NLGN1: variants seen among roughly 807,000 people sequenced by gnomAD.
The protein encoded by NLGN1 is neuroligin-1.
NLGN1 carries 12 observed loss-of-function variants against 65.5 expected under a neutral mutation model. The observed-to-expected ratio is 0.18, with a 90% CI of 0.12 to 0.30. The LOEUF is 0.30. Ranked by LOEUF, NLGN1 falls within the 10% of genes least tolerant of loss-of-function variation. The pLI is 1.00. For synonymous variants in NLGN1, 350 were observed against 359.5 expected (o/e 0.97, Z 0.30); for missense variants, 750 against 1,007.1 (o/e 0.74, Z 3.46).
chr3:173,895,194 C>T (rs543086923), intron 4 of NLGN1, among the ~76,000 whole-genome samples: 1 of 152,154 alleles, frequency 6.6e-6, no homozygotes, highest in Non-Finnish European at 1.5e-5. Context: ...CCTCTTTCCT[C>T]TTGCATCTCT....
intron 1 of NLGN1, chr3:173,399,487 A>G (rs1390809352): frequency 3.3e-5 from 5 of 152,168 alleles, no homozygotes; most frequent in Admixed American, 6.5e-5. Context: ...TAGTAATAAC[A>G]TATTTTCAAA....
intron 4 of NLGN1, among the ~76,000 whole-genome samples, chr3:173,932,448 C>A (rs1318505196): frequency 1.3e-5 from 2 of 148,246 alleles, no homozygotes; most frequent in Admixed American, 6.8e-5. Flanking sequence ...AAGCAGAAAA[C>A]AAACCAGTAC....
At chr3:173,739,491 T>A (rs933411159) in intron 3 of NLGN1, among the ~76,000 whole-genome samples, 2 of 152,018 alleles carry the variant, frequency 1.3e-5, no homozygotes, top group African/African-American at 4.8e-5. Context: ...ACGGAAGGGG[T>A]TTGCTTATAT....
At chr3:174,211,309 T>C (rs904871721) in intron 4 of NLGN1, among the ~76,000 whole-genome samples, 1 of 152,134 alleles carries the variant, frequency 6.6e-6, no homozygotes, top group Non-Finnish European at 1.5e-5. Context: ...TAGAGCCGAG[T>C]GGCCTGTTTT....
chr3:174,030,375 C>T (rs183083764), intron 4 of NLGN1, among the ~76,000 whole-genome samples: 69 of 152,220 alleles, frequency 4.5e-4, no homozygotes, highest in African/African-American at 1.4e-3. Context: ...CCTCCCGCCT[C>T]GGCCTCCCAA....
intron 3 of NLGN1, among the ~76,000 whole-genome samples, chr3:173,686,423 C>T (rs576571922): frequency 1.3e-5 from 2 of 151,980 alleles, no homozygotes; most frequent in Non-Finnish European, 2.9e-5. Flanking sequence ...ATTAGAATTA[C>T]TGTATCAAAG....
At chr3:173,482,877 C>T (rs761396451) in intron 2 of NLGN1, among the ~76,000 whole-genome samples, 69 of 151,946 alleles carry the variant, frequency 4.5e-4, no homozygotes, top group Non-Finnish European at 1.6e-4. Context: ...TCTTAGGCTT[C>T]CCAGAATTAG....
At chr3:173,505,559 C>G (rs946445797) in intron 2 of NLGN1, among the ~76,000 whole-genome samples, 1 of 152,056 alleles carries the variant, frequency 6.6e-6, no homozygotes, top group Non-Finnish European at 1.5e-5. Flanking sequence ...TTCAGTATAT[C>G]AAGCTCCTTG....
chr3:173,787,299 A>G, intron 3 of NLGN1, among the ~76,000 whole-genome samples: 1 of 152,302 alleles, frequency 6.6e-6, no homozygotes, highest in Middle Eastern at 3.4e-3. Flanking sequence ...CTATCTTTCT[A>G]TACTAAAATA....
chr3:174,224,665 C>T (rs1309580096), intron 4 of NLGN1, among the ~76,000 whole-genome samples: 2 of 152,094 alleles, frequency 1.3e-5, no homozygotes, highest in African/African-American at 2.4e-5. Flanking sequence ...TGCCATTGCA[C>T]GCCAGCCTGG....
chr3:173,526,801 A>G (rs1057511795), intron 2 of NLGN1, among the ~76,000 whole-genome samples: 16 of 152,132 alleles, frequency 1.1e-4, no homozygotes, highest in African/African-American at 3.9e-4. Flanking sequence ...CATGAGTTCA[A>G]TTATTTTAAT....
intron 3 of NLGN1, among the ~76,000 whole-genome samples, chr3:173,757,861 T>C (rs1408983620): frequency 1.3e-5 from 2 of 152,028 alleles, no homozygotes; most frequent in Non-Finnish European, 2.9e-5. Context: ...CGTTTTAAAA[T>C]ACATTATTTC....
chr3:173,420,095 C>CT (rs1714734615), intron 1 of NLGN1, among the ~76,000 whole-genome samples: 1 of 144,872 alleles, frequency 6.9e-6, no homozygotes, highest in Non-Finnish European at 1.5e-5. Flanking sequence ...TATTATTATA[C>CT]TTTAAGTTTT....
At chr3:173,695,455 T>G (rs2149843878) in intron 3 of NLGN1, 1 of 221,584 alleles carries the variant, frequency 4.5e-6, no homozygotes, top group South Asian at 6.3e-5. Flanking sequence ...ATGTTCATAC[T>G]TAGGATTTTT....
chr3:173,777,709 G>A (rs7624589), intron 3 of NLGN1, among the ~76,000 whole-genome samples: 96,356 of 151,326 alleles, frequency 0.64, 32,235 homozygotes, highest in Non-Finnish European at 0.75. Flanking sequence ...TTCATCCCTT[G>A]GTGGTCACTT....
intron 4 of NLGN1, among the ~76,000 whole-genome samples, chr3:174,094,986 A>G (rs562935808): frequency 1.3e-5 from 2 of 152,182 alleles, no homozygotes; most frequent in East Asian, 3.9e-4. Context: ...GCCAAAGAGA[A>G]TGCACTGTAT....
intron 4 of NLGN1, among the ~76,000 whole-genome samples, chr3:174,234,274 T>C (rs1309052848): frequency 6.6e-6 from 1 of 152,116 alleles, no homozygotes; most frequent in East Asian, 1.9e-4. Flanking sequence ...AGAGATCAAG[T>C]GCACTGTTTG....
intron 3 of NLGN1, among the ~76,000 whole-genome samples, chr3:173,751,639 T>C (rs1776308912): frequency 6.6e-6 from 1 of 152,038 alleles, no homozygotes; most frequent in Non-Finnish European, 1.5e-5. Flanking sequence ...ACAGTCTAGA[T>C]AAGCAAATCA....
chr3:173,899,743 T>C (rs1210889201), intron 4 of NLGN1, among the ~76,000 whole-genome samples: 1 of 152,126 alleles, frequency 6.6e-6, no homozygotes, highest in Admixed American at 6.6e-5. Context: ...TATCAAACAT[T>C]ATATGGCCTA....
Sources: allele counts gnomAD v4.1 joint callset (sites outside exome capture counted in the v4.1 genomes callset), GRCh38; gene constraint gnomAD v4.1.1; transcripts MANE v1.5; gene names NCBI Gene and HGNC (gene_info 2026-07-23, HGNC 2026-07-21).